GRAMD4: variants seen among roughly 807,000 people sequenced by gnomAD.
GRAMD4 encodes the protein GRAM domain containing 4.
GRAMD4 carries 25 observed loss-of-function variants against 83.9 expected under a neutral mutation model. The observed-to-expected ratio is 0.30, with a 90% CI of 0.22 to 0.42. The LOEUF (loss-of-function observed/expected upper bound fraction) is 0.42. Among genes scored for constraint, GRAMD4 ranks in the 10% least tolerant of loss-of-function variants. The pLI is 1.00. For missense variants in GRAMD4, 593 were observed against 788.7 expected, an observed-to-expected ratio of 0.75 and a Z score of 2.97; for synonymous variants, 336 against 320.9, an observed-to-expected ratio of 1.05 and a Z score of -0.50.
chr22:46,589,089 C>CG (rs1569246700), intron 1 of GRAMD4, among the ~76,000 whole-genome samples: 1 of 151,884 alleles, frequency 6.6e-6, no homozygotes. Flanking sequence ...CGGCAGGGGG[C>CG]GGGGGGACCT....
chr22:46,633,308 G>A (rs909702483), intron 2 of GRAMD4, among the ~76,000 whole-genome samples: 1 of 152,212 alleles, frequency 6.6e-6, no homozygotes, highest in Non-Finnish European at 1.5e-5. Context: ...TTCTGAGTTG[G>A]GGCACTGGGA....
downstream of GRAMD4, among the ~76,000 whole-genome samples, chr22:46,681,253 C>T (rs2082669690): frequency 6.6e-6 from 1 of 152,096 alleles, no homozygotes; most frequent in African/African-American, 2.4e-5. Context: ...CTCCCAGGGG[C>T]TTCTGAGTGC....
intron 2 of GRAMD4, among the ~76,000 whole-genome samples, chr22:46,628,280 C>T (rs55696533): frequency 0.068 from 10,360 of 152,086 alleles, 963 homozygotes; most frequent in African/African-American, 0.21. Context: ...GGGACCCTCC[C>T]GCCTGAGGGA....
intron 3 of GRAMD4, among the ~76,000 whole-genome samples, chr22:46,655,941 G>A (rs1416330438): frequency 6.6e-6 from 1 of 151,996 alleles, no homozygotes; most frequent in African/African-American, 2.4e-5. Context: ...AAAAGTAGCC[G>A]TGCCAGGGCC....
chr22:46,656,099 GC>G (rs1394608157), intron 3 of GRAMD4, among the ~76,000 whole-genome samples: 1 of 152,034 alleles, frequency 6.6e-6, no homozygotes, highest in African/African-American at 2.4e-5. Flanking sequence ...CAGCTCAGCT[GC>G]CCTGGGGGGC....
intron 1 of GRAMD4, among the ~76,000 whole-genome samples, chr22:46,613,010 C>T (rs1382492100): frequency 2.0e-5 from 3 of 152,250 alleles, no homozygotes; most frequent in East Asian, 1.9e-4. Context: ...TGACTAGCAG[C>T]GTCTTGGGAT....
chr22:46,675,841 A>G (rs2147425930), intron 17 of GRAMD4, among the ~76,000 whole-genome samples: 1 of 152,228 alleles, frequency 6.6e-6, no homozygotes, highest in Non-Finnish European at 1.5e-5. Flanking sequence ...TTCCCCTCGT[A>G]TCTGGGACCC....
chr22:46,668,642 A>G (rs751515819), intron 11 of GRAMD4, 47 bp from the exon 12 acceptor site: 1 of 1,582,164 alleles, frequency 6.3e-7, no homozygotes, highest in Non-Finnish European at 8.7e-7. Context: ...TGTGACTGAC[A>G]GCCCAGGAGC....
Position 46,661,451 on chromosome 22 carries a change from T to G in GRAMD4, c.466+9T>G. 1 of 1,551,126 alleles carries G rather than the reference T, an allele frequency of 6.4e-7. No homozygotes were observed. The highest frequency in any genetic ancestry group is 1.4e-5 in the African/African-American group (1 of 73,680). ...GGCCAGCAATGGAGCAGGTACACCCTGGTGGGCGGGTGGACAGGCAGGCGG... is the reference window on the plus strand; with the variant it reads ...GGCCAGCAATGGAGCAGGTACACCCGGGTGGGCGGGTGGACAGGCAGGCGG... On this transcript the variant is annotated intron_variant, in intron 5 of 18. Transcript: ENST00000406902.
chr22:46,593,483 C>T (rs1249291729), intron 1 of GRAMD4, among the ~76,000 whole-genome samples: 1 of 152,188 alleles, frequency 6.6e-6, no homozygotes, highest in Non-Finnish European at 1.5e-5. Flanking sequence ...ACCCCTGCCG[C>T]AGGGCCTACC....
chr22:46,644,724 T>TG (rs2082046601), intron 3 of GRAMD4, among the ~76,000 whole-genome samples: 3 of 123,786 alleles, frequency 2.4e-5, no homozygotes, highest in African/African-American at 6.7e-5. Flanking sequence ...TTTTTTTTTT[T>TG]TTTTTTTTTT....
intron 1 of GRAMD4, among the ~76,000 whole-genome samples, chr22:46,609,118 C>T (rs1310416977): frequency 3.5e-5 from 5 of 141,710 alleles, no homozygotes; most frequent in African/African-American, 1.4e-4. Flanking sequence ...AAAAAAACAA[C>T]AACAACCCGA....
In GRAMD4 at chr22:46,674,740, G is replaced by A. The variant is rs370970861; in HGVS notation, c.1468G>A (p.Val490Ile). ...TDYIRNGVLY[V>I]TENYLCFESS... ...CTACATCAGGAACGGGGTGCTCTAC[G>A]TCACGGAGAAGTGAGTGCAGCCGTG... The change falls in exon 16 of 19, where the codon GTC (valine) becomes ATC (isoleucine). Residue 490 changes from valine to isoleucine, a missense_variant. Around this residue, in one of 4 missense-constraint regions of GRAMD4, gnomAD observed 74 missense variants for 152.7 expected, o/e 0.48. Coordinates refer to ENST00000406902, the MANE Select transcript of GRAMD4 (RefSeq NM_015124.5). 4.5e-5 allele frequency: 72 copies of A among 1,609,192 alleles called. No individual in the cohort carries two copies. The highest frequency in any genetic ancestry group is 3.2e-4 in the Admixed American group (19 of 60,010).
At chr22:46,623,355 G>A (rs1053408622) in intron 1 of GRAMD4, among the ~76,000 whole-genome samples, 1 of 152,144 alleles carries the variant, frequency 6.6e-6, no homozygotes, top group African/African-American at 2.4e-5. Flanking sequence ...GCCGCATTCC[G>A]CAGCCCGGGT....
intron 2 of GRAMD4, among the ~76,000 whole-genome samples, chr22:46,627,892 C>T (rs557081716): frequency 1.3e-5 from 2 of 152,372 alleles, no homozygotes; most frequent in South Asian, 2.1e-4. Flanking sequence ...CTACAGACCA[C>T]AGAGTGCCCG....
intron 1 of GRAMD4, among the ~76,000 whole-genome samples, chr22:46,597,441 T>C (rs2081272419): frequency 6.6e-6 from 1 of 152,170 alleles, no homozygotes; most frequent in Non-Finnish European, 1.5e-5. Flanking sequence ...TCTCTCTTGC[T>C]CAAGTTTCAG....
At chr22:46,579,484 C>G (rs1054319809) in intron 1 of GRAMD4, among the ~76,000 whole-genome samples, 3 of 152,194 alleles carry the variant, frequency 2.0e-5, no homozygotes, top group Non-Finnish European at 4.4e-5. Flanking sequence ...GGAGGGCTGC[C>G]AGCCTGAAGC....
At chr22:46,610,236 G>A (rs1364992894) in intron 1 of GRAMD4, among the ~76,000 whole-genome samples, 1 of 152,238 alleles carries the variant, frequency 6.6e-6, no homozygotes, top group Non-Finnish European at 1.5e-5. Context: ...AAAGGAGCAC[G>A]TGCGTGCCTG....
intron 1 of GRAMD4, among the ~76,000 whole-genome samples, chr22:46,606,760 A>G (rs2147074645): frequency 6.6e-6 from 1 of 152,350 alleles, no homozygotes; most frequent in African/African-American, 2.4e-5. Context: ...GCGTGGACTT[A>G]TTGGCCGATT....
Sources: allele counts gnomAD v4.1 joint callset (sites outside exome capture counted in the v4.1 genomes callset), GRCh38; gene constraint gnomAD v4.1.1; regional missense constraint gnomAD v4.1.1; transcripts MANE v1.5; gene names NCBI Gene and HGNC (gene_info 2026-07-23, HGNC 2026-07-21).